EYS: variants seen among roughly 807,000 people sequenced by gnomAD.
The protein encoded by EYS is EGF-like photoreceptor maintenance factor, also known as protein eyes shut homolog.
In EYS, 250 loss-of-function variants were observed where a neutral mutation model predicts 282.1. The observed-to-expected ratio is 0.89, with a 90% CI of 0.80 to 0.98. The LOEUF (loss-of-function observed/expected upper bound fraction) is 0.98. EYS is among the 50% of genes least tolerant of loss of function. The pLI, the probability that EYS is intolerant of heterozygous loss-of-function variation, is 0.00. For synonymous variants in EYS, 1,355 were observed against 1,282.9 expected (o/e 1.06, Z -1.20); for missense variants, 4,016 against 3,709.0 (o/e 1.08, Z -2.15).
intron 13 of EYS, among the ~76,000 whole-genome samples, chr6:65,014,004 C>T (rs942813137): frequency 6.6e-6 from 1 of 152,162 alleles, no homozygotes; most frequent in Non-Finnish European, 1.5e-5. Context: ...GACACATTAT[C>T]TTGAGTGGGT....
intron 29 of EYS, among the ~76,000 whole-genome samples, chr6:64,361,413 G>A (rs565310211): frequency 2.6e-5 from 4 of 151,848 alleles, no homozygotes; most frequent in African/African-American, 4.8e-5. Flanking sequence ...GATGGATTGT[G>A]ACTGAGGGGC....
At chr6:63,818,954 T>TA (rs770947413) in intron 36 of EYS, among the ~76,000 whole-genome samples, 1 of 152,228 alleles carries the variant, frequency 6.6e-6, no homozygotes, top group Non-Finnish European at 1.5e-5. Context: ...TGAATTCTTA[T>TA]AAAAACACCT....
chr6:65,460,698 G>T (rs1336455466), intron 5 of EYS, among the ~76,000 whole-genome samples: 3 of 152,048 alleles, frequency 2.0e-5, no homozygotes, highest in African/African-American at 7.2e-5. Flanking sequence ...GTAATATCTA[G>T]TGGTGTTTTG....
intron 2 of EYS, among the ~76,000 whole-genome samples, chr6:65,551,238 A>G (rs1768600661): frequency 1.0e-4 from 1 of 9,798 alleles, no homozygotes; most frequent in Non-Finnish European, 1.4e-4. Flanking sequence ...TATCGTGAAA[A>G]TGGCCATACT....
At position 65,413,151 on chromosome 6, in the gene EYS, A is replaced by G. The variant is rs191773894; in HGVS notation, c.863-7784T>C. On this transcript the variant is annotated intron_variant, in intron 5 of 42. Transcript: ENST00000503581. ...AATGTTTGATGAAAAGAAAATGATC[A>G]TATATGCCTAGACCCCCAAATTAAG... is the stretch of plus-strand genomic sequence containing the variant. Among the ~76,000 whole-genome samples, 382 of 152,322 alleles carry G rather than the reference A, an allele frequency of 2.5e-3. 2 individuals carry two copies. The highest frequency in any genetic ancestry group is 0.021 in the South Asian group (100 of 4,826).
At chr6:64,924,882 G>A (rs964178898) in intron 15 of EYS, among the ~76,000 whole-genome samples, 8 of 152,134 alleles carry the variant, frequency 5.3e-5, no homozygotes, top group Non-Finnish European at 1.0e-4. Flanking sequence ...ACTCTAGGAA[G>A]TTCAAAACGT....
chr6:65,341,590 A>C (rs1770201623), intron 10 of EYS, among the ~76,000 whole-genome samples: 1 of 151,116 alleles, frequency 6.6e-6, no homozygotes, highest in East Asian at 1.9e-4. Flanking sequence ...CTTCTCTTTC[A>C]TTTTCATGCT....
At chr6:65,167,560 G>T (rs933751615) in intron 12 of EYS, among the ~76,000 whole-genome samples, 5 of 151,146 alleles carry the variant, frequency 3.3e-5, no homozygotes, top group African/African-American at 1.2e-4. Flanking sequence ...GACTATATAG[G>T]TACATGGATA....
chr6:65,603,523 C>CTT (rs1453230665), intron 2 of EYS, among the ~76,000 whole-genome samples: 3 of 151,756 alleles, frequency 2.0e-5, no homozygotes, highest in Admixed American at 6.6e-5. Context: ...CTTTGAACCC[C>CTT]CTGTTACCTG....
intron 30 of EYS, among the ~76,000 whole-genome samples, chr6:64,273,017 A>T (rs1409037224): frequency 4.6e-5 from 7 of 152,028 alleles, no homozygotes; most frequent in Non-Finnish European, 1.0e-4. Context: ...TATGAGGGTA[A>T]TCTATGAATT....
At chr6:65,317,558 A>C (rs1490631624) in intron 11 of EYS, among the ~76,000 whole-genome samples, 1 of 152,198 alleles carries the variant, frequency 6.6e-6, no homozygotes, top group Non-Finnish European at 1.5e-5. Flanking sequence ...GGCTTAAAAG[A>C]ACAAACATTT....
At chr6:65,318,975 C>T (rs1769393123) in intron 11 of EYS, among the ~76,000 whole-genome samples, 1 of 151,404 alleles carries the variant, frequency 6.6e-6, no homozygotes, top group African/African-American at 2.4e-5. Context: ...CTATTTTTTT[C>T]TGATATTAAT....
chr6:64,862,771 A>G (rs1020625801), intron 19 of EYS, among the ~76,000 whole-genome samples: 1 of 152,142 alleles, frequency 6.6e-6, no homozygotes, highest in African/African-American at 2.4e-5. Context: ...ATAACTGAAT[A>G]AGAAAATATA....
intron 32 of EYS, among the ~76,000 whole-genome samples, chr6:64,072,294 T>C (rs1771610754): frequency 6.6e-6 from 1 of 151,926 alleles, no homozygotes; most frequent in African/African-American, 2.4e-5. Flanking sequence ...ACTTCAACTG[T>C]ACAATGAGCA....
chr6:64,954,267 T>C (rs1390101802), intron 14 of EYS, among the ~76,000 whole-genome samples: 2 of 151,912 alleles, frequency 1.3e-5, no homozygotes, highest in Non-Finnish European at 1.5e-5. Flanking sequence ...ACCTTTAATG[T>C]CGGTTTAAAA....
intron 29 of EYS, among the ~76,000 whole-genome samples, chr6:64,347,688 A>C (rs593628): frequency 0.72 from 108,501 of 151,158 alleles, 39,142 homozygotes; most frequent in African/African-American, 0.79. Context: ...AGCAGTTCTC[A>C]AGCTCCAGCA....
rs1040866185 is a variant in EYS, at chr6:63,833,664, C to T, written c.7229-27292G>A. ...GTAATTTTTAGATTCAATGCCTTCC[C>T]CATCAAGCTACCAATGACTTCCTTC... On this transcript the variant is annotated intron_variant, in intron 36 of 42. Coordinates refer to ENST00000503581, the MANE Select transcript of EYS (RefSeq NM_001142800.2). 1.8e-3 allele frequency among the ~76,000 whole-genome samples: 274 copies of T among 152,272 alleles called. 3 individuals carry two copies. The highest frequency in any genetic ancestry group is 6.9e-3 in the Admixed American group (105 of 15,288).
rs983386016 is a variant in EYS, at chr6:63,778,501, T to C, written c.7724-321A>G. 4.6e-5 allele frequency among the ~76,000 whole-genome samples: 7 copies of C among 152,252 alleles called. No individual in the cohort carries two copies. The South Asian group carries it at 1.5e-3, about 32-fold the overall frequency. On this transcript the variant is annotated intron_variant, in intron 39 of 42. Transcript: ENST00000503581. ...GAAAATATAATATTATACCAAAAAG[T>C]TGAACATCATAAATAACATTAACTT...
At chr6:65,379,513 T>A (rs1052380327) in intron 8 of EYS, among the ~76,000 whole-genome samples, 1 of 151,902 alleles carries the variant, frequency 6.6e-6, no homozygotes, top group Non-Finnish European at 1.5e-5. Context: ...CAATATCATA[T>A]TGAATGGGCA....
Sources: gnomAD v4.1 joint callset for allele counts (sites outside exome capture counted in the v4.1 genomes callset) on GRCh38, gnomAD v4.1.1 for gene constraint, MANE v1.5 for transcripts, NCBI Gene and HGNC (gene_info 2026-07-23, HGNC 2026-07-21) for gene names.